TTC28: variants seen among roughly 807,000 people sequenced by gnomAD.
TTC28 encodes the protein tetratricopeptide repeat domain 28.
TTC28 carries 61 observed loss-of-function variants against 198.0 expected under a neutral mutation model. That is an observed-to-expected ratio of 0.31 (90% CI 0.25 to 0.38). The LOEUF (loss-of-function observed/expected upper bound fraction) is 0.38, where lower values mean the gene tolerates loss of function less well. Ranked by LOEUF, TTC28 falls within the 10% of genes least tolerant of loss-of-function variation. The pLI, the probability that TTC28 is intolerant of heterozygous loss-of-function variation, is 1.00. For synonymous variants in TTC28, 1,171 were observed against 1,297.8 expected (o/e 0.90, Z 2.10); for missense variants, 2,678 against 3,164.0 (o/e 0.85, Z 3.69).
intron 2 of TTC28, among the ~76,000 whole-genome samples, chr22:28,417,831 G>C (rs1437069442): frequency 6.6e-6 from 1 of 152,198 alleles, no homozygotes. Flanking sequence ...GAGGGCCACT[G>C]TATGAGTCTA....
In TTC28 at chr22:28,412,535, A is replaced by T. The variant is rs576358431; in HGVS notation, c.382-105892T>A. On this transcript the variant is annotated intron_variant, in intron 2 of 22. Coordinates refer to ENST00000397906, the MANE Select transcript of TTC28 (RefSeq NM_001145418.2). Reference sequence around the variant, plus strand: ...CCTTGCCTCCTTATGACTTCCAATCAAATGTATGATGATCCCACTACAATA... The same window carrying T: ...CCTTGCCTCCTTATGACTTCCAATCTAATGTATGATGATCCCACTACAATA... 8.5e-5 allele frequency among the ~76,000 whole-genome samples: 13 copies of T among 152,284 alleles called. No homozygotes were observed. The South Asian group carries it at 2.7e-3, about 32-fold the overall frequency.
At chr22:28,076,754 AT>A (rs923121631) in intron 12 of TTC28, among the ~76,000 whole-genome samples, 2 of 152,046 alleles carry the variant, frequency 1.3e-5, no homozygotes, top group African/African-American at 4.8e-5. Flanking sequence ...TCATGTATTT[AT>A]TTTGTAATTT....
chr22:28,238,331 C>G (rs188193181), intron 5 of TTC28, among the ~76,000 whole-genome samples: 17 of 152,158 alleles, frequency 1.1e-4, no homozygotes, highest in Admixed American at 4.6e-4. Context: ...GTTATCTGAT[C>G]TTTTCTTCAG....
intron 2 of TTC28, among the ~76,000 whole-genome samples, chr22:28,423,115 G>A (rs2047287721): frequency 2.0e-5 from 3 of 152,020 alleles, no homozygotes; most frequent in Non-Finnish European, 4.4e-5. Flanking sequence ...TAAATCCCTG[G>A]GCACCGTGGC....
intron 1 of TTC28, among the ~76,000 whole-genome samples, chr22:28,634,900 T>A (rs1036054120): frequency 6.6e-6 from 1 of 152,112 alleles, no homozygotes; most frequent in African/African-American, 2.4e-5. Flanking sequence ...TCCTTTTCTA[T>A]CTTATCTGCA....
chr22:28,595,701 G>A (rs763921334), intron 2 of TTC28, among the ~76,000 whole-genome samples: 3 of 152,108 alleles, frequency 2.0e-5, no homozygotes, highest in African/African-American at 2.4e-5. Context: ...CGAGGCAGGC[G>A]GCTCATGAGG....
intron 2 of TTC28, among the ~76,000 whole-genome samples, chr22:28,627,954 AGAGTGCAGTGATGCAATCATGACTCAC>A (rs1232475355): frequency 6.6e-6 from 1 of 151,986 alleles, no homozygotes; most frequent in African/African-American, 2.4e-5. Context: ...TGCCCAGGCC[AGAGTGCAGTGATGCAATCATGACTCAC>A]TGCAGCCTCT....
At chr22:28,369,521 A>G (rs1056901290) in intron 2 of TTC28, among the ~76,000 whole-genome samples, 1 of 152,216 alleles carries the variant, frequency 6.6e-6, no homozygotes, top group Non-Finnish European at 1.5e-5. Flanking sequence ...TTAAAATAGG[A>G]AGACTCCTTT....
chr22:28,069,126 G>A (rs1216047170), intron 12 of TTC28, among the ~76,000 whole-genome samples: 1 of 152,152 alleles, frequency 6.6e-6, no homozygotes, highest in Non-Finnish European at 1.5e-5. Flanking sequence ...CAGTGAGTGA[G>A]TCATTTTCTT....
intron 2 of TTC28, among the ~76,000 whole-genome samples, chr22:28,616,315 A>C (rs955416281): frequency 2.0e-5 from 3 of 152,188 alleles, no homozygotes; most frequent in Non-Finnish European, 4.4e-5. Context: ...TATCTACCTC[A>C]CAAGATTATT....
At chr22:28,455,352 T>C (rs2146263278) in intron 2 of TTC28, among the ~76,000 whole-genome samples, 1 of 152,328 alleles carries the variant, frequency 6.6e-6, no homozygotes, top group East Asian at 1.9e-4. Context: ...TTTAATATAA[T>C]AAAAGGTTTT....
At chr22:28,239,721 T>C (rs1039543371) in intron 5 of TTC28, among the ~76,000 whole-genome samples, 9 of 152,034 alleles carry the variant, frequency 5.9e-5, no homozygotes, top group Non-Finnish European at 1.2e-4. Context: ...ACAGGAAACA[T>C]TGATTAGAAA....
At chr22:28,406,971 C>G (rs2047006738) in intron 2 of TTC28, among the ~76,000 whole-genome samples, 1 of 152,172 alleles carries the variant, frequency 6.6e-6, no homozygotes, top group Non-Finnish European at 1.5e-5. Context: ...CCTAGAAATT[C>G]TAACCTGTCT....
At position 28,460,180 on chromosome 22, in the gene TTC28, AGGTC is replaced by A. The variant is rs2047926417; in HGVS notation, c.382-153541_382-153538del. Among the ~76,000 whole-genome samples, 42 of 152,184 alleles carry A rather than the reference AGGTC, an allele frequency of 2.8e-4. 1 individual carries two copies. Among genetic ancestry groups the A allele is most frequent in the Non-Finnish European group, 2.9e-5 (2 of 68,022 alleles). ...AAAAGTTGAATAAGCAAAAGAAGCCAGGTCAGACTCAAAGTATCTTAACATGAAG... is the reference window on the plus strand; with the variant it reads ...AAAAGTTGAATAAGCAAAAGAAGCCAAGACTCAAAGTATCTTAACATGAAG... On this transcript the variant is annotated intron_variant, in intron 2 of 22. Coordinates refer to ENST00000397906, the MANE Select transcript of TTC28 (RefSeq NM_001145418.2).
At chr22:28,591,430 T>C (rs555617887) in intron 2 of TTC28, among the ~76,000 whole-genome samples, 6 of 152,240 alleles carry the variant, frequency 3.9e-5, no homozygotes. Context: ...TTGATTCTCA[T>C]ACCAAGCCTG....
In TTC28 at chr22:27,982,661, G is replaced by A; in HGVS notation, c.7006C>T (p.Pro2336Ser). ...TTGTCTATGTCGGGAGCGTCTGCTG[G>A]ACTTGAGCGAGCAGATCCAGCTGAG... ...YSSAGSARSSPADAPDIDKLK... is the reference protein window; with the variant it reads ...YSSAGSARSSSADAPDIDKLK... The change falls in exon 23 of 23, where the codon CCA becomes TCA. Residue 2336 changes from proline (P) to serine (S), a missense_variant. By Grantham distance (74) the Pro-to-Ser change is moderately conservative. Transcript: ENST00000397906. The surrounding 1 kb of genome is among the most constrained non-coding windows in gnomAD (Gnocchi z 5.2). 2 of 1,551,734 alleles carry A rather than the reference G, an allele frequency of 1.3e-6. No homozygotes were observed. The highest frequency in any genetic ancestry group is 2.4e-5 in the South Asian group (2 of 84,052).
chr22:28,468,826 C>T (rs769372053), intron 2 of TTC28, among the ~76,000 whole-genome samples: 4 of 151,696 alleles, frequency 2.6e-5, no homozygotes, highest in Admixed American at 6.6e-5. Flanking sequence ...CATGAGCCAC[C>T]GCGCCTGGCC....
intron 2 of TTC28, among the ~76,000 whole-genome samples, chr22:28,411,850 C>T (rs527981042): frequency 9.2e-5 from 14 of 152,318 alleles, no homozygotes; most frequent in African/African-American, 3.4e-4. Flanking sequence ...ATTCTGAGAT[C>T]TAGCCAACAG....
intron 12 of TTC28, among the ~76,000 whole-genome samples, chr22:28,055,677 T>G (rs1264435628): frequency 6.6e-6 from 1 of 152,190 alleles, no homozygotes; most frequent in Admixed American, 6.5e-5. Context: ...GTTAAACAAC[T>G]TGTCCCAAAT....
Sources: gnomAD v4.1 joint callset for allele counts (sites outside exome capture counted in the v4.1 genomes callset) on GRCh38, gnomAD v4.1.1 for gene constraint, Gnocchi (gnomAD v3.1) non-coding constraint, MANE v1.5 for transcripts, NCBI Gene and HGNC (gene_info 2026-07-23, HGNC 2026-07-21) for gene names.